LRRC28: variants seen among roughly 807,000 people sequenced by gnomAD.
LRRC28 encodes the protein leucine rich repeat containing 28, also known as leucine-rich repeat-containing protein 28.
Under a neutral mutation model 45.7 loss-of-function variants are expected in LRRC28, and 39 were observed. That is an observed-to-expected ratio of 0.85 (90% CI 0.66 to 1.12). The LOEUF (loss-of-function observed/expected upper bound fraction) is 1.12, where lower values mean the gene tolerates loss of function less well. LRRC28 is among the 50% of genes most tolerant of loss of function. LRRC28 has a pLI of 0.00. For synonymous variants in LRRC28, 206 were observed against 178.8 expected, an observed-to-expected ratio of 1.15 and a Z score of -1.22; for missense variants, 435 against 438.5, an observed-to-expected ratio of 0.99 and a Z score of 0.07.
At chr15:99,258,613 A>G in intron 2 of LRRC28, 1 of 757,892 alleles carries the variant, frequency 1.3e-6, no homozygotes, top group South Asian at 1.4e-5. Context: ...ACTGTCTGTG[A>G]ATGGGAACTT....
chr15:99,380,161 T>C (rs1957773711), intron 9 of LRRC28, among the ~76,000 whole-genome samples: 1 of 152,220 alleles, frequency 6.6e-6, no homozygotes, highest in Non-Finnish European at 1.5e-5. Context: ...CTTATTATTG[T>C]GTGGGAGTCT....
intron 5 of LRRC28, among the ~76,000 whole-genome samples, chr15:99,312,617 T>G (rs1955454761): frequency 6.6e-6 from 1 of 152,234 alleles, no homozygotes; most frequent in Non-Finnish European, 1.5e-5. Flanking sequence ...AGTTATTATG[T>G]ACAGTATTTG....
At chr15:99,259,455 A>T in intron 2 of LRRC28, 1 of 1,252,272 alleles carries the variant, frequency 8.0e-7, no homozygotes, top group South Asian at 1.2e-5. Context: ...GTTGAGAAAG[A>T]ATTTGAGCCT....
Position 99,356,082 on chromosome 15 carries a change from T to C in LRRC28, c.695+3611T>C, listed in dbSNP as rs1017275802. 4.6e-5 allele frequency among the ~76,000 whole-genome samples: 7 copies of C among 152,354 alleles called. No homozygotes were observed. The South Asian group carries it at 1.4e-3, about 32-fold the overall frequency. On this transcript the variant is annotated intron_variant, in intron 7 of 9. Transcript: ENST00000301981. The stretch of plus-strand genomic sequence containing the variant: ...GCAGTTTGACGCCCATGAAGTTAGT[T>C]GTTGTTAAAACAAAAATATTAATTA...
chr15:99,340,176 C>T (rs1166805027), intron 6 of LRRC28, among the ~76,000 whole-genome samples: 1 of 152,202 alleles, frequency 6.6e-6, no homozygotes, highest in African/African-American at 2.4e-5. Context: ...CAGGAGAACA[C>T]TCCAGTTTTT....
chr15:99,333,698 C>T, intron 5 of LRRC28: 1 of 577,900 alleles, frequency 1.7e-6, no homozygotes, highest in East Asian at 2.9e-5. Context: ...TCCATGCTAC[C>T]CAGCCCTTTT....
At chr15:99,297,950 T>A (rs1323683252) in intron 5 of LRRC28, among the ~76,000 whole-genome samples, 3 of 151,600 alleles carry the variant, frequency 2.0e-5, no homozygotes, top group Non-Finnish European at 1.5e-5. Context: ...CAGTGACAAA[T>A]ACATACAGAA....
At chr15:99,259,172 G>C (rs750644132) in intron 2 of LRRC28, 6 of 1,196,794 alleles carry the variant, frequency 5.0e-6, no homozygotes, top group Non-Finnish European at 7.5e-6. Flanking sequence ...TCATCCAGCT[G>C]ACATTACTAG....
At chr15:99,350,392 C>T (rs1956841013) in intron 6 of LRRC28, among the ~76,000 whole-genome samples, 1 of 152,158 alleles carries the variant, frequency 6.6e-6, no homozygotes, top group African/African-American at 2.4e-5. Flanking sequence ...CCTACCCTCT[C>T]CCACAGGAAC....
At chr15:99,332,902 G>A (rs778747568) in intron 5 of LRRC28, among the ~76,000 whole-genome samples, 4 of 152,134 alleles carry the variant, frequency 2.6e-5, no homozygotes, top group East Asian at 1.9e-4. Context: ...GGAATGACTC[G>A]GGAACAGGGA....
At chr15:99,300,001 G>A (rs1426582423) in intron 5 of LRRC28, among the ~76,000 whole-genome samples, 6 of 152,098 alleles carry the variant, frequency 3.9e-5, no homozygotes, top group Admixed American at 2.0e-4. Flanking sequence ...TGCTCCTGAC[G>A]TAATCTGAAA....
Position 99,389,470 on chromosome 15 carries a change from A to C in LRRC28, c.*3368A>C, listed in dbSNP as rs1173909101. 1 of 152,232 alleles carries C rather than the reference A, an allele frequency of 6.6e-6. No homozygotes were observed. Among genetic ancestry groups the C allele is most frequent in the African/African-American group, 2.4e-5 (1 of 41,454 alleles). The allele number at this position is 152,232 out of a possible 1,614,324, so 9.4% of individuals were successfully genotyped here. A position where few individuals can be genotyped will look rare whatever the true frequency, so the allele number is the denominator to read the frequency against. On this transcript the variant is annotated 3_prime_UTR_variant, in exon 10 of 10. Transcript: ENST00000301981. ...ATCAGAAATTCTAATCTTTGCTATA[A>C]AGTACTTAAACACAATACATTGCCT...
intron 2 of LRRC28, among the ~76,000 whole-genome samples, chr15:99,269,869 T>C (rs780191442): frequency 6.6e-6 from 1 of 152,146 alleles, no homozygotes; most frequent in Non-Finnish European, 1.5e-5. Flanking sequence ...TGAGTAATTA[T>C]TATGAAGTGA....
chr15:99,254,050 G>A (rs1480585593), intron 1 of LRRC28, among the ~76,000 whole-genome samples: 1 of 152,176 alleles, frequency 6.6e-6, no homozygotes, highest in Admixed American at 6.5e-5. Flanking sequence ...AGTTTGAGAT[G>A]GTTGTGAGAC....
intron 6 of LRRC28, 64 bp downstream of exon 6, chr15:99,334,193 C>G: frequency 6.4e-7 from 1 of 1,564,202 alleles, no homozygotes; most frequent in South Asian, 1.1e-5. Context: ...GTTTCTTTGA[C>G]TAGAACCAAT....
At chr15:99,315,205 T>A (rs561862211) in intron 5 of LRRC28, among the ~76,000 whole-genome samples, 11 of 152,182 alleles carry the variant, frequency 7.2e-5, no homozygotes, top group Non-Finnish European at 1.5e-4. Flanking sequence ...ATTTAAAATA[T>A]TATACATAAT....
intron 2 of LRRC28, chr15:99,260,104 G>T: frequency 2.2e-6 from 1 of 460,646 alleles, no homozygotes. Context: ...TGTTTTGGAT[G>T]CCCCCCACCA....
rs1958099892 is a variant in LRRC28, at chr15:99,388,646, A to G, written c.*2544A>G. On this transcript the variant is annotated 3_prime_UTR_variant, in exon 10 of 10. Transcript: ENST00000301981. ...GAGAAAATTTGCCTACATGCTATAT[A>G]TTTGAATTGTGTCCAAAGCTTTGCA... 6.6e-6 allele frequency: 1 copy of G among 152,248 alleles called. No homozygotes were observed. Among genetic ancestry groups the G allele is most frequent in the Admixed American group, 6.5e-5 (1 of 15,288 alleles). The allele number at this position is 152,248 out of a possible 1,614,324, so 9.4% of individuals were successfully genotyped here.
chr15:99,290,567 T>G (rs1234989492), intron 5 of LRRC28, among the ~76,000 whole-genome samples: 2 of 152,184 alleles, frequency 1.3e-5, no homozygotes, highest in African/African-American at 4.8e-5. Flanking sequence ...TTTTCCTATA[T>G]GAAACTTACA....
Sources: gnomAD v4.1 joint callset for allele counts (sites outside exome capture counted in the v4.1 genomes callset) on GRCh38, gnomAD v4.1.1 for gene constraint, MANE v1.5 for transcripts, NCBI Gene and HGNC (gene_info 2026-07-23, HGNC 2026-07-21) for gene names.